Variants in ACKR3 observed in about 807,000 individuals in gnomAD.
ACKR3 encodes atypical chemokine receptor 3.
Under a neutral mutation model 22.4 loss-of-function variants are expected in ACKR3, and 6 were observed. The observed-to-expected ratio is 0.27, with a 90% confidence interval of 0.15 to 0.53. The LOEUF (loss-of-function observed/expected upper bound fraction) is 0.53, where lower values mean the gene tolerates loss of function less well. Ranked by LOEUF, ACKR3 falls within the 20% of genes least tolerant of loss-of-function variation. The pLI is 0.96. For synonymous variants in ACKR3, 209 were observed against 205.2 expected, an observed-to-expected ratio of 1.02 and a Z score of -0.16; for missense variants, 396 against 475.2, an observed-to-expected ratio of 0.83 and a Z score of 1.55.
At chr2:236,579,063 C>T (rs764417829) in intron 1 of ACKR3, among the ~76,000 whole-genome samples, 1 of 152,120 alleles carries the variant, frequency 6.6e-6, no homozygotes, top group Non-Finnish European at 1.5e-5. Context: ...CAGATTAACT[C>T]TCAAGGTAAA....
Position 236,578,661 on chromosome 2 carries a change from G to A in ACKR3, c.-26-1779G>A, listed in dbSNP as rs577216807. Among the ~76,000 whole-genome samples the A allele has an allele frequency of 5.9e-5, 9 of 152,330 alleles. No homozygotes were observed. The South Asian group carries it at 6.2e-4, about 11-fold the overall frequency. On this transcript the variant is annotated intron_variant, in intron 1 of 1. Transcript: ENST00000272928. ...ACAGTCTCCGCTAAGTGGGGTTCACGCCAGGTCCTCTGCTGTGAATGTGGA... is the reference window on the plus strand; with the variant it reads ...ACAGTCTCCGCTAAGTGGGGTTCACACCAGGTCCTCTGCTGTGAATGTGGA...
At chr2:236,539,880 G>C in the ACKR3 span, among the ~76,000 whole-genome samples, 3 of 152,338 alleles carry the variant, frequency 2.0e-5, no homozygotes, top group East Asian at 3.9e-4. Context: ...ACAGGCAAGA[G>C]AGCATGTGCA....
the ACKR3 span, among the ~76,000 whole-genome samples, chr2:236,549,180 C>T: frequency 6.6e-6 from 1 of 152,226 alleles, no homozygotes; most frequent in Non-Finnish European, 1.5e-5. The surrounding 1 kb of genome is among the most constrained non-coding windows in gnomAD (Gnocchi z 5.3). Context: ...CCCCTGCCCT[C>T]TTCCTGTGTC....
At chr2:236,543,941 G>GCA in the ACKR3 span, among the ~76,000 whole-genome samples, 4 of 57,760 alleles carry the variant, frequency 6.9e-5, no homozygotes, top group Admixed American at 2.7e-4. Flanking sequence ...TGGGAGAAGG[G>GCA]TATATATATA....
the ACKR3 span, among the ~76,000 whole-genome samples, chr2:236,551,665 G>C: frequency 6.6e-6 from 1 of 152,142 alleles, no homozygotes; most frequent in East Asian, 1.9e-4. Flanking sequence ...CTTCTAAAAG[G>C]CAAAATGGAA....
At chr2:236,570,171 G>A (rs1691278487) in intron 1 of ACKR3, among the ~76,000 whole-genome samples, 1 of 152,170 alleles carries the variant, frequency 6.6e-6, no homozygotes, top group African/African-American at 2.4e-5. Context: ...CTTGCAGAAG[G>A]AAATTTCCAT....
chr2:236,547,271 C>A, the ACKR3 span, among the ~76,000 whole-genome samples: 2 of 152,096 alleles, frequency 1.3e-5, no homozygotes, highest in Non-Finnish European at 2.9e-5. Context: ...TTTCTTCTTG[C>A]TTTTTAACAT....
At chr2:236,562,615 G>A in the ACKR3 span, among the ~76,000 whole-genome samples, 2 of 151,950 alleles carry the variant, frequency 1.3e-5, no homozygotes, top group African/African-American at 4.8e-5. Context: ...TACCTCCAGG[G>A]ACAGCAGTGT....
At chr2:236,567,185 G>C (rs1006059376), upstream of ACKR3, among the ~76,000 whole-genome samples, 8 of 152,200 alleles carry the variant, frequency 5.3e-5, no homozygotes, top group African/African-American at 1.9e-4. Flanking sequence ...TTTTTTAGTA[G>C]AGATGGGGTT....
At chr2:236,547,135 G>A in the ACKR3 span, among the ~76,000 whole-genome samples, 1 of 152,350 alleles carries the variant, frequency 6.6e-6, no homozygotes, top group Non-Finnish European at 1.5e-5. Flanking sequence ...AGGTGGTTGT[G>A]AGACCTCAGC....
the ACKR3 span, among the ~76,000 whole-genome samples, chr2:236,558,190 C>T: frequency 2.0e-5 from 3 of 152,180 alleles, no homozygotes; most frequent in Non-Finnish European, 2.9e-5. Flanking sequence ...GATGCATCTC[C>T]GTGCCTGCTC....
At chr2:236,541,805 T>A in the ACKR3 span, among the ~76,000 whole-genome samples, 9 of 152,204 alleles carry the variant, frequency 5.9e-5, no homozygotes, top group Non-Finnish European at 1.2e-4. Flanking sequence ...ATAAGTCTCA[T>A]AAGATCTGAT....
the ACKR3 span, among the ~76,000 whole-genome samples, chr2:236,552,535 T>C: frequency 2.0e-5 from 3 of 152,212 alleles, no homozygotes; most frequent in Non-Finnish European, 1.5e-5. Context: ...TCAAAACAAC[T>C]TTCCTTTTTG....
At chr2:236,541,934 T>A in the ACKR3 span, among the ~76,000 whole-genome samples, 1 of 150,306 alleles carries the variant, frequency 6.7e-6, no homozygotes, top group African/African-American at 2.5e-5. Flanking sequence ...CATGTGGAAC[T>A]GTGAGTCTAT....
chr2:236,548,204 G>GT, the ACKR3 span, among the ~76,000 whole-genome samples: 1 of 152,006 alleles, frequency 6.6e-6, no homozygotes, highest in East Asian at 1.9e-4. This position sits in a 1 kb window ranked among gnomAD's most constrained non-coding sequence, Gnocchi z 4.3. Context: ...AGTATCTTGG[G>GT]TTTTTTCATG....
At chr2:236,580,359 C>A (rs1691492811) in intron 1 of ACKR3, 81 bp from the exon 2 acceptor site, 1 of 1,484,496 alleles carries the variant, frequency 6.7e-7, no homozygotes, top group Non-Finnish European at 9.1e-7. Flanking sequence ...CTTGGAAAAG[C>A]ATTTTTGCCT....
the ACKR3 span, among the ~76,000 whole-genome samples, chr2:236,556,460 G>T: frequency 2.0e-5 from 3 of 152,100 alleles, no homozygotes; most frequent in African/African-American, 7.2e-5. Context: ...AGTCACAATG[G>T]TCCTTATATG....
chr2:236,578,301 G>A (rs1691454861), intron 1 of ACKR3, among the ~76,000 whole-genome samples: 2 of 152,224 alleles, frequency 1.3e-5, no homozygotes, highest in Admixed American at 6.5e-5. Context: ...TAGGACAAGT[G>A]TGCCAAGCCT....
In ACKR3 at chr2:236,581,696, C is replaced by G; in HGVS notation, c.*142C>G. ...GAGGGGAGCACGTGCCCCCTGCATCCATTCTCTCTTTCTCTTGATGACGCA... is the reference window on the plus strand; with the variant it reads ...GAGGGGAGCACGTGCCCCCTGCATCGATTCTCTCTTTCTCTTGATGACGCA... On this transcript the variant is annotated 3_prime_UTR_variant, in exon 2 of 2. Coordinates refer to ENST00000272928, the MANE Select transcript of ACKR3 (RefSeq NM_020311.3). This position sits in a 1 kb window ranked among gnomAD's most constrained non-coding sequence, Gnocchi z 4.4. 1.9e-6 allele frequency: 2 copies of G among 1,061,526 alleles called. No homozygotes were observed. The highest frequency in any genetic ancestry group is 2.7e-6 in the Non-Finnish European group (2 of 745,792). The allele number at this position is 1,061,526 out of a possible 1,614,324, so 65.8% of individuals were successfully genotyped here.
Sources: allele counts gnomAD v4.1 joint callset (sites outside exome capture counted in the v4.1 genomes callset), GRCh38; gene constraint gnomAD v4.1.1; non-coding constraint Gnocchi (gnomAD v3.1); transcripts MANE v1.5; gene names NCBI Gene and HGNC (gene_info 2026-07-23, HGNC 2026-07-21).